Variants in MISP observed in about 807,000 individuals in gnomAD.
MISP encodes the protein mitotic spindle positioning.
MISP carries 51 observed loss-of-function variants against 49.3 expected under a neutral mutation model. That is an observed-to-expected ratio of 1.03 (90% CI 0.83 to 1.31). MISP has a LOEUF of 1.31. Among genes scored for constraint, MISP ranks in the 50% most tolerant of loss-of-function variants. The pLI, the probability that MISP is intolerant of heterozygous loss-of-function variation, is 0.00. For missense variants in MISP, 1,084 were observed against 935.1 expected (o/e 1.16, Z -2.08); for synonymous variants, 444 against 392.6 (o/e 1.13, Z -1.55).
upstream of MISP, among the ~76,000 whole-genome samples, chr19:748,567 G>A (rs1026463695): frequency 1.3e-5 from 2 of 152,078 alleles, no homozygotes; most frequent in Non-Finnish European, 2.9e-5. Flanking sequence ...CTGGCTTCCC[G>A]GGGGGCCCTC....
chr19:750,790 C>T (rs1022522064), upstream of MISP, among the ~76,000 whole-genome samples: 3 of 152,172 alleles, frequency 2.0e-5, no homozygotes, highest in South Asian at 2.1e-4. Context: ...CCACTGTGCA[C>T]GCTGAGCTGC....
In MISP at chr19:763,804, G is replaced by C. The variant is rs527318382; in HGVS notation, c.*214G>C. 10 of 551,478 alleles carry C rather than the reference G, an allele frequency of 1.8e-5. No homozygotes were observed. The African/African-American group carries it at 1.9e-4, about 10-fold the overall frequency. 34.2% of individuals were successfully genotyped at this position (551,478 alleles called of 1,614,324 possible). A position where few individuals can be genotyped will look rare whatever the true frequency, so the allele number is the denominator to read the frequency against. On this transcript the variant is annotated 3_prime_UTR_variant, in exon 5 of 5. Transcript: ENST00000215582. The stretch of plus-strand genomic sequence containing the variant: ...CTTTAGAAATGTTTCTGCCTTTGGG[G>C]TCTAAAGCTTTTGGGGATGAAATGG...
At chr19:761,062 A>G (rs1233064447) in intron 3 of MISP, among the ~76,000 whole-genome samples, 1 of 143,822 alleles carries the variant, frequency 7.0e-6, no homozygotes, top group Admixed American at 6.9e-5. Context: ...AGGAATATTT[A>G]GTGCCATGAG....
rs750314792 is a variant in MISP, at chr19:757,426, G to A, written c.480G>A (p.Thr160=). 9 of 1,597,816 alleles carry A rather than the reference G, an allele frequency of 5.6e-6. No individual in the cohort carries two copies. The highest frequency in any genetic ancestry group is 1.7e-4 in the Middle Eastern group (1 of 6,036). The change falls in exon 2 of 5, where the codon ACG becomes ACA. Residue 160 remains threonine (T), a synonymous_variant. Coordinates refer to ENST00000215582, the MANE Select transcript of MISP (RefSeq NM_173481.4). ...TCAGGAAGAGCAGCACCGTGGCCAC[G>A]CTCCAGGGCACTCCTGACCACGGAG... ...QAVRKSSTVA[T]LQGTPDHGDP... is the part of the protein sequence containing the mutation.
At chr19:749,310 C>T (rs1177728045), upstream of MISP, among the ~76,000 whole-genome samples, 1 of 152,240 alleles carries the variant, frequency 6.6e-6, no homozygotes, top group Non-Finnish European at 1.5e-5. Flanking sequence ...TGAGGGAACT[C>T]AGGTTCCAAT....
chr19:762,153 C>T (rs1474571391), intron 4 of MISP, among the ~76,000 whole-genome samples: 5 of 150,020 alleles, frequency 3.3e-5, no homozygotes, highest in Admixed American at 6.7e-5. Flanking sequence ...GGGGTTTCAC[C>T]GTGTTAGCCA....
intron 1 of MISP, among the ~76,000 whole-genome samples, chr19:754,471 GA>G (rs1240575767): frequency 2.0e-5 from 3 of 147,872 alleles, no homozygotes; most frequent in Non-Finnish European, 4.6e-5. Context: ...TCAAAAAAAA[GA>G]AAAAATTAGC....
chr19:754,572 A>G (rs894351406), intron 1 of MISP, among the ~76,000 whole-genome samples: 7 of 152,234 alleles, frequency 4.6e-5, no homozygotes, highest in African/African-American at 1.7e-4. Context: ...GATTGCAGTG[A>G]GCTGAGATCA....
Position 758,606 on chromosome 19 carries a change from G to A in MISP, c.1660G>A (p.Val554Ile). The A allele has an allele frequency of 6.2e-7, 1 of 1,614,250 alleles. No homozygotes were observed. Among genetic ancestry groups the A allele is most frequent in the Non-Finnish European group, 8.5e-7 (1 of 1,180,042 alleles). The stretch of plus-strand genomic sequence containing the variant: ...TCTGCTGGAAAGGGAGAGGGAGAGT[G>A]TCCTGCGCCGGGAGCAAGAGGTGGC... ...SDLLERERES[V>I]LRREQEVAEE... Residue 554 changes from valine (V) to isoleucine (I), a missense_variant, in exon 2 of 5, where the codon GTC becomes ATC. Val to Ile is a conservative substitution (Grantham distance 29, BLOSUM62 3). Coordinates refer to ENST00000215582, the MANE Select transcript of MISP (RefSeq NM_173481.4).
intron 1 of MISP, among the ~76,000 whole-genome samples, chr19:755,369 C>T (rs1018854439): frequency 6.6e-6 from 1 of 152,178 alleles, no homozygotes; most frequent in African/African-American, 2.4e-5. Context: ...CGACAAGGCC[C>T]AGGCGGGGAT....
rs926308338 is a variant in MISP, at chr19:761,313, C to T, written c.1912-312C>T. Among the ~76,000 whole-genome samples, 9 of 150,976 alleles carry T rather than the reference C, an allele frequency of 6.0e-5. 1 individual carries two copies. The highest frequency in any genetic ancestry group is 4.2e-4 in the South Asian group (2 of 4,776). ...GGTGGAGGTTGCAGTGAGCCGAGAT[C>T]GCACCACCGCACTCCAGCCTGGGTG... is the stretch of plus-strand genomic sequence containing the variant. On this transcript the variant is annotated intron_variant, in intron 3 of 4. Coordinates refer to ENST00000215582, the MANE Select transcript of MISP (RefSeq NM_173481.4).
chr19:757,034 A>C lies in MISP; in HGVS notation c.88A>C (p.Thr30Pro). 2 of 1,607,648 alleles carry C rather than the reference A, an allele frequency of 1.2e-6. No homozygotes were observed. Among genetic ancestry groups the C allele is most frequent in the Non-Finnish European group, 1.7e-6 (2 of 1,177,266 alleles). ...GLVLDGDTSY[T>P]YHLVCMGPEA... ...GGTGCTGGATGGAGACACCAGCTAC[A>C]CATACCATCTGGTGTGCATGGGCCC... Residue 30 changes from threonine (T) to proline (P), a missense_variant, in exon 2 of 5, where the codon ACA (threonine) becomes CCA (proline). Physicochemically the swap from Thr to Pro is conservative, Grantham distance 38 (BLOSUM62 -1). Transcript: ENST00000215582.
rs116993988 is a variant in MISP, at chr19:758,526, G to A, written c.1580G>A (p.Gly527Asp). ...PQQAQVPHVW[G>D]WEVAGAPALR... ...CAGGCCCAAGTCCCCCATGTCTGGG[G>A]CTGGGAGGTGGCTGGGGCCCCTGCA... The change falls in exon 2 of 5, where the codon GGC becomes GAC. Residue 527 changes from glycine to aspartate, a missense_variant. Coordinates refer to ENST00000215582, the MANE Select transcript of MISP (RefSeq NM_173481.4). The A allele has an allele frequency of 1.5e-4, 236 of 1,614,144 alleles. No homozygotes were observed. The East Asian group carries it at 5.3e-3, about 36-fold the overall frequency.
chr19:757,451 G>A lies in MISP; in HGVS notation c.505G>A (p.Asp169Asn). ...GCTCCAGGGCACTCCTGACCACGGA[G>A]ACCCCAGGACCCCCGGCCCACCTCG... The part of the protein sequence containing the change: ...ATLQGTPDHG[D>N]PRTPGPPRST... Residue 169 changes from aspartate to asparagine, a missense_variant, in exon 2 of 5, where the codon GAC becomes AAC. Physicochemically the swap from Asp to Asn is conservative, Grantham distance 23. Transcript: ENST00000215582. 1 of 1,592,162 alleles carries A rather than the reference G, an allele frequency of 6.3e-7. No homozygotes were observed. The highest frequency in any genetic ancestry group is 8.5e-7 in the Non-Finnish European group (1 of 1,170,120).
intron 3 of MISP, among the ~76,000 whole-genome samples, chr19:761,395 A>T (rs2033669981): frequency 6.6e-6 from 1 of 152,030 alleles, no homozygotes; most frequent in Non-Finnish European, 1.5e-5. Context: ...AAATTAAATA[A>T]ATCATGAATG....
chr19:749,457 C>T (rs2033425762), upstream of MISP, among the ~76,000 whole-genome samples: 1 of 137,006 alleles, frequency 7.3e-6, no homozygotes, highest in African/African-American at 3.2e-5. Flanking sequence ...TGAGGCCGCG[C>T]ACCCTGAGCT....
At chr19:751,890 G>A (rs577979102) in intron 1 of MISP, among the ~76,000 whole-genome samples, 36 of 152,220 alleles carry the variant, frequency 2.4e-4, no homozygotes, top group African/African-American at 8.2e-4. Context: ...TCTGAGTCTC[G>A]GCCCCACAAG....
chr19:761,554 G>A lies in MISP; in HGVS notation c.1912-71G>A, dbSNP rs2033671721. 28 of 1,563,562 alleles carry A rather than the reference G, an allele frequency of 1.8e-5. No homozygotes were observed. The South Asian group carries it at 3.1e-4, about 17-fold the overall frequency. ...CAAATGGTGACAGAGAGGGCTGTGT[G>A]GGAGCTCTGGTCGGACTCTGCACCG... On this transcript the variant is annotated intron_variant, in intron 3 of 4. Coordinates refer to ENST00000215582, the MANE Select transcript of MISP (RefSeq NM_173481.4).
chr19:756,089 G>C (rs2033544590), intron 1 of MISP, among the ~76,000 whole-genome samples: 1 of 152,198 alleles, frequency 6.6e-6, no homozygotes. Context: ...CAGAGATTCA[G>C]GTATGGTTGG....
Sources: allele counts gnomAD v4.1 joint callset (sites outside exome capture counted in the v4.1 genomes callset), GRCh38; gene constraint gnomAD v4.1.1; transcripts MANE v1.5; gene names NCBI Gene and HGNC (gene_info 2026-07-23, HGNC 2026-07-21).